Variants in SMIM23 observed in about 807,000 individuals in gnomAD.
The protein encoded by SMIM23 is small integral membrane protein 23, also known as CTB-78H18.1.
In SMIM23, 10 loss-of-function variants were observed where a neutral mutation model predicts 12.8. The observed-to-expected ratio is 0.78, with a 90% CI of 0.48 to 1.32. The LOEUF is 1.32. Among genes scored for constraint, SMIM23 ranks in the 40% most tolerant of loss-of-function variants. The pLI is 0.00. For synonymous variants in SMIM23, 78 were observed against 80.1 expected, an observed-to-expected ratio of 0.97 and a Z score of 0.14; for missense variants, 184 against 198.2, an observed-to-expected ratio of 0.93 and a Z score of 0.43.
At chr5:171,774,744 T>G in the SMIM23 span, 6 of 386,444 alleles carry the variant, frequency 1.6e-5, no homozygotes, top group South Asian at 1.2e-4. Context: ...CATGCAGCTA[T>G]TGTGTCAAGA....
the SMIM23 span, chr5:171,774,601 G>GT: frequency 6.8e-6 from 3 of 439,596 alleles, no homozygotes; most frequent in South Asian, 1.6e-5. Context: ...ACCCTGCCCT[G>GT]CCCCACCCCA....
chr5:171,790,918 C>T lies in SMIM23; in HGVS notation c.349C>T (p.Leu117=). Residue 117 remains leucine (L), a synonymous_variant, in exon 4 of 4, where the codon CTA becomes TTA. Coordinates refer to ENST00000523047, the MANE Select transcript of SMIM23 (RefSeq NM_001289970.2). ...LEEEVQQLEQ[L]AWDLELWLDA... ...GGAAGAGGTGCAGCAGCTGGAGCAG[C>T]TAGCGTGGGACCTGGAACTGTGGCT... The T allele has an allele frequency of 2.6e-6, 4 of 1,536,144 alleles. No individual in the cohort carries two copies. The highest frequency in any genetic ancestry group is 3.5e-6 in the Non-Finnish European group (4 of 1,146,926).
chr5:171,775,759 C>T, the SMIM23 span, among the ~76,000 whole-genome samples: 2 of 152,200 alleles, frequency 1.3e-5, no homozygotes, highest in African/African-American at 4.8e-5. Flanking sequence ...CAGTGCTTAA[C>T]AGTAAATGAA....
At chr5:171,790,064 G>C (rs1010309795) in intron 1 of SMIM23, among the ~76,000 whole-genome samples, 166 bp from the exon 2 acceptor site, 1 of 152,126 alleles carries the variant, frequency 6.6e-6, no homozygotes, top group Non-Finnish European at 1.5e-5. Context: ...TCAAAGTTTG[G>C]GAGTTTTGTA....
At position 171,790,982 on chromosome 5, in the gene SMIM23, G is replaced by A. The variant is rs894115659; in HGVS notation, c.413G>A (p.Cys138Tyr). The A allele has an allele frequency of 1.0e-5, 16 of 1,535,888 alleles. No homozygotes were observed. Among genetic ancestry groups the A allele is most frequent in the Non-Finnish European group, 1.2e-5 (14 of 1,146,926 alleles). ...LLGEPHQEEH[C>Y]STYKSHLWEW... ...GGAGAGCCACACCAGGAGGAGCACT[G>A]CTCCACATATAAAAGTCACTTGTGG... Residue 138 changes from cysteine to tyrosine, a missense_variant, in exon 4 of 4, where the codon TGC (cysteine) becomes TAC (tyrosine). By Grantham distance (194) the Cys-to-Tyr change is radical. Transcript: ENST00000523047.
intron 1 of SMIM23, among the ~76,000 whole-genome samples, chr5:171,789,891 C>T (rs1755890618): frequency 6.6e-6 from 1 of 152,206 alleles, no homozygotes. Context: ...CATCAATACT[C>T]ATCAGACTCA....
upstream of SMIM23, among the ~76,000 whole-genome samples, chr5:171,779,817 G>A (rs1755696583): frequency 6.6e-6 from 1 of 151,962 alleles, no homozygotes; most frequent in Non-Finnish European, 1.5e-5. Context: ...GAGGGAGAGA[G>A]GAGAGGAAGG....
the SMIM23 span, chr5:171,774,388 GTTA>G: frequency 2.2e-6 from 1 of 456,250 alleles, no homozygotes; most frequent in Non-Finnish European, 4.4e-6. Flanking sequence ...CCCACGCAGG[GTTA>G]CACAGGCAGT....
upstream of SMIM23, among the ~76,000 whole-genome samples, chr5:171,785,243 C>T (rs1755792533): frequency 6.6e-6 from 1 of 152,128 alleles, no homozygotes; most frequent in Admixed American, 6.5e-5. Flanking sequence ...TGTCCACATC[C>T]AGGCTGTGAT....
chr5:171,774,307 G>C, the SMIM23 span: 1 of 417,750 alleles, frequency 2.4e-6, no homozygotes, highest in East Asian at 7.1e-5. Context: ...ATAATGGCCT[G>C]TGAAATAGAC....
chr5:171,790,662 G>T, intron 3 of SMIM23, 113 bp downstream of exon 3: 1 of 1,360,188 alleles, frequency 7.4e-7, no homozygotes, highest in Non-Finnish European at 1.0e-6. Context: ...AAGTGCAGAA[G>T]GTGGGAACAG....
At chr5:171,783,170 A>C (rs964581590), upstream of SMIM23, among the ~76,000 whole-genome samples, 1 of 152,260 alleles carries the variant, frequency 6.6e-6, no homozygotes, top group Non-Finnish European at 1.5e-5. Context: ...GGAAGACCTA[A>C]ATAAATGAAG....
chr5:171,780,659 C>T (rs1006066359), upstream of SMIM23, among the ~76,000 whole-genome samples: 8 of 152,106 alleles, frequency 5.3e-5, no homozygotes, highest in Non-Finnish European at 8.8e-5. Context: ...TTTGACATTT[C>T]AAATGTGTCC....
chr5:171,773,133 G>T, the SMIM23 span, among the ~76,000 whole-genome samples: 1 of 152,174 alleles, frequency 6.6e-6, no homozygotes, highest in Non-Finnish European at 1.5e-5. Flanking sequence ...ACCTGGGTTC[G>T]AATCCTGACT....
chr5:171,790,750 C>G, intron 3 of SMIM23, 45 bp from the exon 4 acceptor site: 1 of 1,532,446 alleles, frequency 6.5e-7, no homozygotes. Flanking sequence ...GAGGAGGGTC[C>G]TATCTGAGAA....
rs1464753452 is a variant in SMIM23 at position 171,791,039 on chromosome 5, A to G, written c.470A>G (p.Lys157Arg). The G allele has an allele frequency of 1.3e-6, 2 of 1,531,664 alleles. No individual in the cohort carries two copies. The highest frequency in any genetic ancestry group is 2.0e-5 in the Admixed American group (1 of 50,800). 94.9% of individuals were successfully genotyped at this position (1,531,664 alleles called of 1,614,324 possible). A position where few individuals can be genotyped will look rare whatever the true frequency, so the allele number is the denominator to read the frequency against. ...EWAWALGREH[K>R]GGEGLLEISL... is the part of the protein sequence containing the mutation. ...GCCTGGGCCCTGGGGAGAGAGCACA[A>G]AGGTGGGGAGGGGTTGCTAGAGATT... Residue 157 changes from lysine to arginine, a missense_variant, in exon 4 of 4, where the codon AAA (lysine) becomes AGA (arginine). Coordinates refer to ENST00000523047, the MANE Select transcript of SMIM23 (RefSeq NM_001289970.2).
chr5:171,787,664 T>C (rs1561591239), intron 1 of SMIM23, among the ~76,000 whole-genome samples: 2 of 152,238 alleles, frequency 1.3e-5, no homozygotes, highest in Admixed American at 6.5e-5. Flanking sequence ...AAAAGGACCC[T>C]AATATTACAT....
the SMIM23 span, chr5:171,773,882 G>A: frequency 2.2e-6 from 1 of 455,582 alleles, no homozygotes; most frequent in South Asian, 1.6e-5. Flanking sequence ...TCTGTCTGCA[G>A]TCCAGATGGA....
intron 1 of SMIM23, among the ~76,000 whole-genome samples, chr5:171,787,932 A>ATAT (rs1234229870): frequency 6.6e-6 from 1 of 151,538 alleles, no homozygotes; most frequent in Non-Finnish European, 1.5e-5. Context: ...GTTGCTATGT[A>ATAT]ACATTTTTTT....
Sources: gnomAD v4.1 joint callset for allele counts (sites outside exome capture counted in the v4.1 genomes callset) on GRCh38, gnomAD v4.1.1 for gene constraint, MANE v1.5 for transcripts, NCBI Gene and HGNC (gene_info 2026-07-23, HGNC 2026-07-21) for gene names.